The following A2M variants were observed in gnomAD, a reference collection of about 807,000 sequenced individuals.
The protein encoded by A2M is C3 and PZP-like alpha-2-macroglobulin domain-containing protein 5.
In A2M, 128 loss-of-function variants were observed where a neutral mutation model predicts 183.9. The ratio of observed to expected loss-of-function variants is 0.70; its 90% CI spans 0.60 to 0.81. A2M has a LOEUF of 0.81. A2M is among the 30% of genes least tolerant of loss of function. The pLI is 0.00. For synonymous variants in A2M, 592 were observed against 670.8 expected (o/e 0.88, Z 1.81); for missense variants, 1,495 against 1,787.6 (o/e 0.84, Z 2.95).
In A2M at chr12:9,079,608, C is replaced by T. The variant is rs752276254; in HGVS notation, c.3031+31G>A. 3 of 1,594,248 alleles carry T rather than the reference C, an allele frequency of 1.9e-6. No homozygotes were observed. The East Asian group carries it at 6.7e-5, about 36-fold the overall frequency. ...TGGGAAATCCAGTTGAAATAACATT[C>T]AAGTTTTCCCTTACTCAAGTAATCA... is the stretch of plus-strand genomic sequence containing the variant. On this transcript the variant is annotated intron_variant, in intron 24 of 35. Transcript: ENST00000318602.
intron 29 of A2M, 140 bp from the exon 30 acceptor site, chr12:9,073,011 T>C (rs1250588744): frequency 1.9e-5 from 12 of 644,352 alleles, no homozygotes; most frequent in East Asian, 2.7e-5. Flanking sequence ...AATTTCAAGA[T>C]TGATTATAAT....
At chr12:9,077,156 G>A (rs1393944147) in intron 27 of A2M, among the ~76,000 whole-genome samples, 190 bp downstream of exon 27, 1 of 152,146 alleles carries the variant, frequency 6.6e-6, no homozygotes, top group Non-Finnish European at 1.5e-5. Flanking sequence ...AATAGCCTAG[G>A]GGAATTACTG....
Position 9,106,245 on chromosome 12 carries a change from G to A in A2M, c.1095C>T (p.Phe365=), listed in dbSNP as rs757595582. The change falls in exon 10 of 36, where the codon TTC becomes TTT. Residue 365 remains phenylalanine, a synonymous_variant. Transcript: ENST00000318602. The part of the protein sequence containing the change: ...VDSHFRQGIP[F]FGQVRLVDGK... ...CTGGAAAATACTCCACCTGCCCAAA[G>A]AAGGGAATTCCCTGTCGAAAGTGTG... The A allele has an allele frequency of 3.7e-6, 6 of 1,607,018 alleles. No homozygotes were observed. Among genetic ancestry groups the A allele is most frequent in the Non-Finnish European group, 5.1e-6 (6 of 1,173,690 alleles).
In A2M at chr12:9,069,868, A is replaced by G. The variant is rs140827600; in HGVS notation, c.4195-55T>C. ...AATAAATAGATGAAACCCCTGGGGGATCCAGAGAAAAAATCTTTGTATTGC... is the reference window on the plus strand; with the variant it reads ...AATAAATAGATGAAACCCCTGGGGGGTCCAGAGAAAAAATCTTTGTATTGC... On this transcript the variant is annotated intron_variant, in intron 32 of 35. Transcript: ENST00000318602. 199 of 1,530,110 alleles carry G rather than the reference A, an allele frequency of 1.3e-4. No individual in the cohort carries two copies. The African/African-American group carries it at 2.4e-3, about 19-fold the overall frequency. The allele number at this position is 1,530,110 out of a possible 1,614,324, so 94.8% of individuals were successfully genotyped here.
chr12:9,085,902 G>A (rs1038497716), intron 22 of A2M, among the ~76,000 whole-genome samples: 1 of 152,090 alleles, frequency 6.6e-6, no homozygotes, highest in African/African-American at 2.4e-5. Flanking sequence ...TAGAAGAAAT[G>A]AATGCATTCC....
rs749409705 is a variant in A2M, at chr12:9,094,961, T to G, written c.2125+12A>C. The G allele has an allele frequency of 2.1e-6, 3 of 1,405,256 alleles. No individual in the cohort carries two copies. The highest frequency in any genetic ancestry group is 3.0e-5 in the South Asian group (2 of 66,618). The allele number at this position is 1,405,256 out of a possible 1,614,324, so 87.0% of individuals were successfully genotyped here. ...ATATTAGGCAATATATATTTATTAA[T>G]TTTTTGTTTACCATAAAAACCTACA... On this transcript the variant is annotated intron_variant, in intron 17 of 35. Coordinates refer to ENST00000318602, the MANE Select transcript of A2M (RefSeq NM_000014.6).
intron 4 of A2M, among the ~76,000 whole-genome samples, chr12:9,111,721 C>T (rs569592323): frequency 6.6e-6 from 1 of 152,154 alleles, no homozygotes; most frequent in Non-Finnish European, 1.5e-5. Context: ...ATAGAAAGAA[C>T]TGTTTCTTAT....
Position 9,113,384 on chromosome 12 carries a change from G to T in A2M, c.246C>A (p.Asp82Glu). 6.2e-7 allele frequency: 1 copy of T among 1,613,502 alleles called. No individual in the cohort carries two copies. Among genetic ancestry groups the T allele is most frequent in the Non-Finnish European group, 8.5e-7 (1 of 1,179,884 alleles). Residue 82 changes from aspartate (D) to glutamate (E), a missense_variant, in exon 2 of 36, where the codon GAC becomes GAA. By Grantham distance (45) the Asp-to-Glu change is conservative. Transcript: ENST00000318602. ...CAGCGAAGGCGACACAGTGGAGTAC[G>T]TCATTCTCCGCCTCCAGGTCAGTGA... The part of the protein sequence containing the change: ...SLFTDLEAEN[D>E]VLHCVAFAVP...
intron 10 of A2M, among the ~76,000 whole-genome samples, chr12:9,104,794 T>G (rs1280386115): frequency 6.6e-6 from 1 of 152,182 alleles, no homozygotes; most frequent in East Asian, 1.9e-4. Context: ...TAATGAAATA[T>G]TTTAATCTAT....
chr12:9,086,863 G>C (rs756037041), intron 22 of A2M, among the ~76,000 whole-genome samples: 1 of 152,304 alleles, frequency 6.6e-6, no homozygotes, highest in East Asian at 1.9e-4. Flanking sequence ...TGTTGGTGAT[G>C]ACATTATCTT....
At chr12:9,112,775 A>C (rs1213183343) in intron 2 of A2M, 11 of 501,336 alleles carry the variant, frequency 2.2e-5, no homozygotes, top group Non-Finnish European at 4.0e-5. Context: ...TCACACCTTC[A>C]TACAGCTCAC....
intron 15 of A2M, among the ~76,000 whole-genome samples, chr12:9,098,087 G>A (rs1198269994): frequency 6.6e-6 from 1 of 152,164 alleles, no homozygotes; most frequent in African/African-American, 2.4e-5. Context: ...TAAGGACTTT[G>A]GGTACTGTAT....
In A2M at chr12:9,101,507, T is replaced by G; in HGVS notation, c.1434A>C (p.Ala478=). The part of the protein sequence containing the change: ...LPCGHTQTVQ[A]HYILNGGTLL... The stretch of plus-strand genomic sequence containing the variant: ...GGGTGCCTCCATTCAGAATATAATG[T>G]GCCTGGACTGTCTGAGTATGGCCAC... Residue 478 remains alanine, a synonymous_variant, in exon 12 of 36, where the codon GCA becomes GCC. Transcript: ENST00000318602. 1 of 1,613,926 alleles carries G rather than the reference T, an allele frequency of 6.2e-7. No individual in the cohort carries two copies. The highest frequency in any genetic ancestry group is 8.5e-7 in the Non-Finnish European group (1 of 1,179,860).
At position 9,078,489 on chromosome 12, in the gene A2M, C is replaced by T. The variant is rs61916015; in HGVS notation, c.3120-632G>A. Among the ~76,000 whole-genome samples the T allele has an allele frequency of 2.4e-4, 36 of 152,128 alleles. 1 individual carries two copies. In the East Asian group the frequency reaches 5.6e-3, roughly 24 times the overall value. Reference sequence around the variant, plus strand: ...ATGACTTTGTTATTGTAAATAGTGCCGCGATAAACATACATGTGCATGTGT... The same window carrying T: ...ATGACTTTGTTATTGTAAATAGTGCTGCGATAAACATACATGTGCATGTGT... On this transcript the variant is annotated intron_variant, in intron 25 of 35. Coordinates refer to ENST00000318602, the MANE Select transcript of A2M (RefSeq NM_000014.6).
chr12:9,079,604 C>T, intron 24 of A2M, 35 bp downstream of exon 24: 5 of 1,585,596 alleles, frequency 3.2e-6, no homozygotes, highest in Middle Eastern at 1.7e-4. Flanking sequence ...GTTGAAATAA[C>T]ATTCAAGTTT....
intron 21 of A2M, 103 bp from the exon 22 acceptor site, chr12:9,089,354 G>C: frequency 1.2e-6 from 1 of 861,084 alleles, no homozygotes; most frequent in East Asian, 2.6e-5. Flanking sequence ...AGAAGGATTT[G>C]AACTGTATTA....
At chr12:9,080,029 T>C in intron 23 of A2M, 65 bp downstream of exon 23, 1 of 1,094,852 alleles carries the variant, frequency 9.1e-7, no homozygotes, top group Non-Finnish European at 1.3e-6. Flanking sequence ...TAAATATTTA[T>C]GGGAAATAAA....
rs754217279 is a variant in A2M at position 9,068,842 on chromosome 12, C to A, written c.4264G>T (p.Val1422Leu). ...AACAAGCTCAGTGTCTGATTTGACA[C>A]CTGGAAAGCAAAAGTCAATTAAATG... Reference protein sequence around the residue: ...SNHVLIYLDKVSNQTLSLFFT... With the variant: ...SNHVLIYLDKLSNQTLSLFFT... The change falls in exon 34 of 36, where the codon GTG becomes TTG. Residue 1422 changes from valine (V) to leucine (L), a missense_variant and splice_region_variant. By Grantham distance (32) the Val-to-Leu change is conservative. Coordinates refer to ENST00000318602, the MANE Select transcript of A2M (RefSeq NM_000014.6). 6.3e-7 allele frequency: 1 copy of A among 1,585,830 alleles called. No individual in the cohort carries two copies. Among genetic ancestry groups the A allele is most frequent in the African/African-American group, 1.3e-5 (1 of 74,394 alleles).
chr12:9,074,414 T>A, intron 29 of A2M, 146 bp downstream of exon 29: 1 of 795,814 alleles, frequency 1.3e-6, no homozygotes, highest in Non-Finnish European at 2.0e-6. Context: ...TTGCTTTTAT[T>A]TCCATTATCC....
Sources: allele counts gnomAD v4.1 joint callset (sites outside exome capture counted in the v4.1 genomes callset), GRCh38; gene constraint gnomAD v4.1.1; transcripts MANE v1.5; gene names NCBI Gene and HGNC (gene_info 2026-07-23, HGNC 2026-07-21).